Variants in AMY2A observed in about 807,000 individuals in gnomAD.
The protein encoded by AMY2A is pancreatic alpha-amylase.
AMY2A carries 16 observed loss-of-function variants against 43.0 expected under a neutral mutation model. The observed-to-expected ratio is 0.37, with a 90% CI of 0.25 to 0.56. AMY2A has a LOEUF of 0.56. Ranked by LOEUF, AMY2A falls within the 20% of genes least tolerant of loss-of-function variation. The probability of loss-of-function intolerance (pLI) is 0.77; values close to 1 mark genes in which losing one functional copy is unlikely to be tolerated. For synonymous variants in AMY2A, 70 were observed against 144.6 expected, an observed-to-expected ratio of 0.48 and a Z score of 3.70; for missense variants, 212 against 456.8, an observed-to-expected ratio of 0.46 and a Z score of 4.89.
chr1:103,617,047 C>G, upstream of AMY2A: 1 of 976,270 alleles, frequency 1.0e-6, no homozygotes, highest in Non-Finnish European at 1.3e-6. Context: ...GGAAGGGGTT[C>G]GCATTTATAC....
Position 103,618,166 on chromosome 1 carries a change from G to A in AMY2A, c.315+66G>A, listed in dbSNP as rs1247547978. On this transcript the variant is annotated intron_variant, in intron 2 of 9. Transcript: ENST00000414303. ...AAATGGTTTCTCTCTCTTCTTTCTTGCTCCTTTTCAGCAGAAAATTTTCCG... is the reference window on the plus strand; with the variant it reads ...AAATGGTTTCTCTCTCTTCTTTCTTACTCCTTTTCAGCAGAAAATTTTCCG... The A allele has an allele frequency of 2.0e-6, 3 of 1,527,982 alleles. No individual in the cohort carries two copies. The East Asian group carries it at 6.9e-5, about 35-fold the overall frequency. 94.7% of individuals were successfully genotyped at this position (1,527,982 alleles called of 1,614,324 possible). A position where few individuals can be genotyped will look rare whatever the true frequency, so the allele number is the denominator to read the frequency against.
intron 4 of AMY2A, 97 bp downstream of exon 4, chr1:103,619,881 T>C: frequency 1.3e-6 from 2 of 1,533,728 alleles, no homozygotes; most frequent in Non-Finnish European, 1.8e-6. Flanking sequence ...GGATAAGGAA[T>C]GAGACATTTA....
intron 4 of AMY2A, 123 bp downstream of exon 4, chr1:103,619,907 T>C: frequency 2.0e-6 from 3 of 1,481,728 alleles, no homozygotes; most frequent in South Asian, 1.2e-5. Context: ...AACAGTGTTC[T>C]TTAACCTCCT....
intron 7 of AMY2A, 126 bp from the exon 8 acceptor site, chr1:103,623,740 T>A: frequency 8.9e-7 from 1 of 1,125,134 alleles, no homozygotes; most frequent in East Asian, 2.3e-5. Flanking sequence ...AATGAAGGCA[T>A]TGGATTCTAG....
Position 103,618,078 on chromosome 1 carries a change from T to C in AMY2A, c.293T>C (p.Val98Ala), listed in dbSNP as rs767711344. The C allele has an allele frequency of 2.5e-6, 4 of 1,600,128 alleles. No individual in the cohort carries two copies. The African/African-American group carries it at 5.3e-5, about 21-fold the overall frequency. ...AATGAAGATGAATTTAGAAACATGG[T>C]GACTAGATGTAACAATGTTGGGGTA... Reference protein sequence around the residue: ...SGNEDEFRNMVTRCNNVGVRI... With the variant: ...SGNEDEFRNMATRCNNVGVRI... The change falls in exon 2 of 10, where the codon GTG becomes GCG. Residue 98 changes from valine (V) to alanine (A), a missense_variant. This residue lies in a region of AMY2A where 199 missense variants were observed against 210.6 expected (regional missense o/e 0.94). Coordinates refer to ENST00000414303, the MANE Select transcript of AMY2A (RefSeq NM_000699.4).
At chr1:103,617,275 T>G, upstream of AMY2A, 2 of 1,374,480 alleles carry the variant, frequency 1.5e-6, no homozygotes, top group South Asian at 2.8e-5. Context: ...TGAGAGACTT[T>G]TTGATGTTCT....
upstream of AMY2A, chr1:103,617,170 G>T (rs147684315): frequency 8.2e-4 from 814 of 989,492 alleles, 5 homozygotes; most frequent in African/African-American, 0.011. Context: ...AGAACATTAG[G>T]CCCCAGCAAC....
chr1:103,623,745 T>G, intron 7 of AMY2A, 121 bp from the exon 8 acceptor site: 1 of 1,156,442 alleles, frequency 8.6e-7, no homozygotes, highest in Non-Finnish European at 1.3e-6. Flanking sequence ...AGGCATTGGA[T>G]TCTAGATAAA....
upstream of AMY2A, among the ~76,000 whole-genome samples, chr1:103,616,651 C>T (rs1274848577): frequency 1.3e-5 from 2 of 150,726 alleles, no homozygotes; most frequent in African/African-American, 2.4e-5. Context: ...TCTTTGTCTC[C>T]TCTCAATATC....
In AMY2A at chr1:103,617,458, G is replaced by T. The variant is rs768137304; in HGVS notation, c.18G>T (p.Leu6Phe). 1 of 1,600,194 alleles carries T rather than the reference G, an allele frequency of 6.2e-7. No homozygotes were observed. The highest frequency in any genetic ancestry group is 1.7e-5 in the Admixed American group (1 of 59,710). The change falls in exon 1 of 10, where the codon TTG (leucine) becomes TTT (phenylalanine). Residue 6 changes from leucine (L) to phenylalanine (F), a missense_variant. Leu to Phe is a conservative substitution (Grantham distance 22, BLOSUM62 0). Coordinates refer to ENST00000414303, the MANE Select transcript of AMY2A (RefSeq NM_000699.4). The stretch of plus-strand genomic sequence containing the variant: ...AAAGCAAAATGAAGTTCTTTCTGTT[G>T]CTTTTCACCATTGGGTTCTGCTGGG... The part of the protein sequence containing the change: MKFFL[L>F]LFTIGFCWAQ...
Position 103,623,707 on chromosome 1 carries a change from C to T in AMY2A, c.1102-159C>T, listed in dbSNP as rs538752505. Among the ~76,000 whole-genome samples the T allele has an allele frequency of 4.6e-4, 58 of 124,746 alleles. 11 individuals carry two copies. Among genetic ancestry groups the T allele is most frequent in the African/African-American group, 1.8e-3 (55 of 30,256 alleles). The allele number at this position is 124,746 out of a possible 152,430, so 81.8% of individuals were successfully genotyped here. A position where few individuals can be genotyped will look rare whatever the true frequency, so the allele number is the denominator to read the frequency against. On this transcript the variant is annotated intron_variant, in intron 7 of 9. Transcript: ENST00000414303. ...CCAGAGGATAGAGAGATGATGAAGA[C>T]CCAGTAAAGGGCTATAAACATTAAT...
At chr1:103,616,942 T>A (rs1653092310), upstream of AMY2A, 1 of 1,005,326 alleles carries the variant, frequency 9.9e-7, no homozygotes, top group Non-Finnish European at 1.2e-6. Context: ...CCTGTCAGTC[T>A]GTCAGGGTTG....
At position 103,618,095 on chromosome 1, in the gene AMY2A, G is replaced by T. The variant is rs749747046; in HGVS notation, c.310G>T (p.Val104Phe). Residue 104 changes from valine (V) to phenylalanine (F), a missense_variant, in exon 2 of 10, where the codon GTT (valine) becomes TTT (phenylalanine). Physicochemically the swap from Val to Phe is conservative, Grantham distance 50. Coordinates refer to ENST00000414303, the MANE Select transcript of AMY2A (RefSeq NM_000699.4). The stretch of plus-strand genomic sequence containing the variant: ...AAACATGGTGACTAGATGTAACAAT[G>T]TTGGGGTAAGTGAATTCTAGTTTCC... Reference protein sequence around the residue: ...FRNMVTRCNNVGVRIYVDAVI... With the variant: ...FRNMVTRCNNFGVRIYVDAVI... The T allele has an allele frequency of 6.3e-7, 1 of 1,597,008 alleles. No individual in the cohort carries two copies. Among genetic ancestry groups the T allele is most frequent in the Non-Finnish European group, 8.6e-7 (1 of 1,168,074 alleles).
intron 7 of AMY2A, among the ~76,000 whole-genome samples, chr1:103,623,329 C>T (rs1253988907): frequency 7.4e-6 from 1 of 135,086 alleles, no homozygotes; most frequent in Admixed American, 7.5e-5. Context: ...GAAGCTCTTG[C>T]AGGCCAGGTG....
At chr1:103,617,267 A>G (rs1653102242), upstream of AMY2A, 17 of 1,340,980 alleles carry the variant, frequency 1.3e-5, 2 homozygotes, top group Non-Finnish European at 1.6e-5. Context: ...GATTTCCATG[A>G]GAGACTTTTT....
In AMY2A at chr1:103,619,018, T is replaced by C. The variant is rs1336382319; in HGVS notation, c.423T>C (p.Phe141=). Reference sequence around the variant, plus strand: ...ACTTCAACCCTGGAAGTAGGGACTTTCCAGCAGTCCCATATTCTGGATGGG... The same window carrying C: ...ACTTCAACCCTGGAAGTAGGGACTTCCCAGCAGTCCCATATTCTGGATGGG... ...GSYFNPGSRD[F]PAVPYSGWDF... The change falls in exon 3 of 10, where the codon TTT becomes TTC. Residue 141 remains phenylalanine, a synonymous_variant. Transcript: ENST00000414303. 2.3e-6 allele frequency: 3 copies of C among 1,322,850 alleles called. No individual in the cohort carries two copies. The highest frequency in any genetic ancestry group is 2.4e-5 in the East Asian group (1 of 41,008). The allele number at this position is 1,322,850 out of a possible 1,614,324, so 81.9% of individuals were successfully genotyped here. A position where few individuals can be genotyped will look rare whatever the true frequency, so the allele number is the denominator to read the frequency against.
chr1:103,624,931 T>C (rs1653280397), intron 9 of AMY2A, among the ~76,000 whole-genome samples: 1 of 131,162 alleles, frequency 7.6e-6, no homozygotes, highest in South Asian at 2.3e-4. Flanking sequence ...CACTCATACT[T>C]AGCTCACTCT....
intron 1 of AMY2A, 46 bp from the exon 2 acceptor site, chr1:103,617,908 A>G: frequency 6.3e-7 from 1 of 1,599,194 alleles, no homozygotes; most frequent in Non-Finnish European, 8.5e-7. Flanking sequence ...TCAATGATAC[A>G]CAGTAAGACA....
At chr1:103,619,820 T>C in intron 4 of AMY2A, 36 bp downstream of exon 4, 1 of 1,601,774 alleles carries the variant, frequency 6.2e-7, no homozygotes, top group Non-Finnish European at 8.5e-7. Context: ...AAATATCATC[T>C]TATTCGTTAG....
Sources: gnomAD v4.1 joint callset for allele counts (sites outside exome capture counted in the v4.1 genomes callset) on GRCh38, gnomAD v4.1.1 for gene constraint, gnomAD v4.1.1 regional missense constraint, MANE v1.5 for transcripts, NCBI Gene and HGNC (gene_info 2026-07-23, HGNC 2026-07-21) for gene names.